C6orf132: variants seen among roughly 807,000 people sequenced by gnomAD.
The protein encoded by C6orf132 is uncharacterized protein C6orf132.
Under a neutral mutation model 65.3 loss-of-function variants are expected in C6orf132, and 43 were observed. That is an observed-to-expected ratio of 0.66 (90% CI 0.52 to 0.85). C6orf132 has a LOEUF of 0.85. C6orf132 is among the 40% of genes least tolerant of loss of function. The probability of loss-of-function intolerance (pLI) is 0.00; values close to 1 mark genes in which losing one functional copy is unlikely to be tolerated. For synonymous variants in C6orf132, 631 were observed against 654.1 expected (o/e 0.96, Z 0.54); for missense variants, 1,488 against 1,548.8 (o/e 0.96, Z 0.66).
intron 1 of C6orf132, among the ~76,000 whole-genome samples, chr6:42,133,302 G>A (rs1189662236): frequency 2.0e-5 from 3 of 152,244 alleles, no homozygotes; most frequent in Non-Finnish European, 4.4e-5. Flanking sequence ...GAACAAGACT[G>A]CAGTGAGAAA....
chr6:42,126,611 G>A (rs1375560336), intron 2 of C6orf132: 2 of 207,724 alleles, frequency 9.6e-6, no homozygotes, highest in East Asian at 9.8e-5. Flanking sequence ...GGAGGCTGAG[G>A]TTTGTGGATC....
chr6:42,135,344 G>A (rs377217700), intron 1 of C6orf132, among the ~76,000 whole-genome samples: 1 of 152,202 alleles, frequency 6.6e-6, no homozygotes, highest in East Asian at 1.9e-4. Flanking sequence ...GGCAGGGCAC[G>A]TGGCTCCCTG....
chr6:42,123,463 GAGAAGAAGGAGAAGGAGA>G (rs199838866), intron 2 of C6orf132, among the ~76,000 whole-genome samples: 10,789 of 96,506 alleles, frequency 0.11, 535 homozygotes, highest in Middle Eastern at 0.28. Flanking sequence ...GAAGGAGAAG[GAGAAGAAGGAGAAGGAGA>G]AGAAGAAGAA....
chr6:42,117,923 C>CAAA lies in C6orf132; in HGVS notation c.253-7635_253-7633dup, dbSNP rs556142891. Among the ~76,000 whole-genome samples the CAAA allele has an allele frequency of 1.8e-3, 114 of 62,340 alleles. 6 individuals are homozygous for CAAA. Among genetic ancestry groups the CAAA allele is most frequent in the African/African-American group, 3.9e-3 (66 of 16,756 alleles). The allele number at this position is 62,340 out of a possible 152,430, so 40.9% of individuals were successfully genotyped here. A position where few individuals can be genotyped will look rare whatever the true frequency, so the allele number is the denominator to read the frequency against. Reference sequence around the variant, plus strand: ...TGAGTGACAGAGCAAAACCCTGTCACAAAAAAAAAAAAAAAAAAAAAAAAA... The same window carrying CAAA: ...TGAGTGACAGAGCAAAACCCTGTCACAAAAAAAAAAAAAAAAAAAAAAAAAAAA... On this transcript the variant is annotated intron_variant, in intron 2 of 4. Coordinates refer to ENST00000341865, the MANE Select transcript of C6orf132 (RefSeq NM_001164446.3).
At chr6:42,109,105 C>T (rs1025811201) in intron 3 of C6orf132, among the ~76,000 whole-genome samples, 3 of 152,136 alleles carry the variant, frequency 2.0e-5, no homozygotes, top group Admixed American at 2.0e-4. Flanking sequence ...TGGGAAAAAA[C>T]ACCAGCAGGG....
At chr6:42,117,507 C>G (rs529758603) in intron 2 of C6orf132, among the ~76,000 whole-genome samples, 1 of 152,266 alleles carries the variant, frequency 6.6e-6, no homozygotes, top group South Asian at 2.1e-4. Context: ...TGCTGCCCAG[C>G]CCAGTCTACT....
chr6:42,107,630 AG>A, intron 3 of C6orf132, 47 bp from the exon 4 acceptor site: 1 of 1,549,474 alleles, frequency 6.5e-7, no homozygotes, highest in Non-Finnish European at 8.7e-7. Flanking sequence ...AAGGCAGACT[AG>A]CCCTGCCAAT....
At position 42,106,489 on chromosome 6, in the gene C6orf132, C is replaced by T. The variant is rs1766409648; in HGVS notation, c.1423G>A (p.Ala475Thr). 6.5e-7 allele frequency: 1 copy of T among 1,536,386 alleles called. No homozygotes were observed. Among genetic ancestry groups the T allele is most frequent in the African/African-American group, 1.4e-5 (1 of 72,970 alleles). Reference protein sequence around the residue: ...SQMEKLRNELAAYLCGSRRED... With the variant: ...SQMEKLRNELTAYLCGSRRED... Reference sequence around the variant, plus strand: ...CTCCTGGAGCCACAGAGATAGGCTGCCAGCTCGTTCCGCAGCTTTTCCATC... The same window carrying T: ...CTCCTGGAGCCACAGAGATAGGCTGTCAGCTCGTTCCGCAGCTTTTCCATC... Residue 475 changes from alanine to threonine, a missense_variant, in exon 4 of 5, where the codon GCA becomes ACA. Ala to Thr is a moderately conservative substitution (Grantham distance 58). Coordinates refer to ENST00000341865, the MANE Select transcript of C6orf132 (RefSeq NM_001164446.3).
At position 42,106,146 on chromosome 6, in the gene C6orf132, A is replaced by G. The variant is rs1035812649; in HGVS notation, c.1766T>C (p.Leu589Pro). 3.9e-6 allele frequency: 6 copies of G among 1,537,116 alleles called. No homozygotes were observed. In the African/African-American group the frequency reaches 6.8e-5, roughly 18 times the overall value. The change falls in exon 4 of 5, where the codon CTG becomes CCG. Residue 589 changes from leucine to proline, a missense_variant. Transcript: ENST00000341865. ...CCCTTCTAGCCGAGGCTTAGGGGGCAGAGATCCTATGCTGGGCTTAGCCTC... is the reference window on the plus strand; with the variant it reads ...CCCTTCTAGCCGAGGCTTAGGGGGCGGAGATCCTATGCTGGGCTTAGCCTC... ...EKEAKPSIGS[L>P]PPKPRLEGGR...
intron 1 of C6orf132, among the ~76,000 whole-genome samples, chr6:42,134,665 TCGAGAGGC>T (rs1766910271): frequency 6.6e-6 from 1 of 150,988 alleles, no homozygotes; most frequent in African/African-American, 2.4e-5. Context: ...CCCCAGCTAC[TCGAGAGGC>T]TGAGGCAGGA....
At chr6:42,135,405 G>T (rs1766924872) in intron 1 of C6orf132, among the ~76,000 whole-genome samples, 1 of 152,238 alleles carries the variant, frequency 6.6e-6, no homozygotes, top group Non-Finnish European at 1.5e-5. Context: ...TGGGGTACGT[G>T]TTAAATGTGG....
At chr6:42,128,923 T>C (rs958808846) in intron 1 of C6orf132, 145 bp from the exon 2 acceptor site, 4 of 622,072 alleles carry the variant, frequency 6.4e-6, no homozygotes, top group South Asian at 5.5e-5. Flanking sequence ...GCCTCTAACA[T>C]AATCAGATCT....
At position 42,114,865 on chromosome 6, in the gene C6orf132, C is replaced by T. The variant is rs148615865; in HGVS notation, c.253-4574G>A. ...ACTGAAAATACAAAAATTAGCCAGG[C>T]GTGGTGGCAAGCGACTGTAATCCCA... is the stretch of plus-strand genomic sequence containing the variant. On this transcript the variant is annotated intron_variant, in intron 2 of 4. Coordinates refer to ENST00000341865, the MANE Select transcript of C6orf132 (RefSeq NM_001164446.3). Among the ~76,000 whole-genome samples, 617 of 151,986 alleles carry T rather than the reference C, an allele frequency of 4.1e-3. 5 individuals carry two copies. Among genetic ancestry groups the T allele is most frequent in the African/African-American group, 0.013 (558 of 41,446 alleles).
At chr6:42,127,916 G>C (rs1766790153) in intron 2 of C6orf132, among the ~76,000 whole-genome samples, 1 of 150,402 alleles carries the variant, frequency 6.6e-6, no homozygotes, top group Admixed American at 6.6e-5. Context: ...ATTAAATGTT[G>C]CAATGACACT....
chr6:42,138,322 C>G (rs897771931), intron 1 of C6orf132, among the ~76,000 whole-genome samples: 3 of 151,938 alleles, frequency 2.0e-5, no homozygotes, highest in Non-Finnish European at 4.4e-5. Flanking sequence ...AACAGGGTCT[C>G]GCTCTGCCAC....
At position 42,103,382 on chromosome 6, in the gene C6orf132, C is replaced by G. The variant is rs1465650809; in HGVS notation, c.*379G>C. Reference sequence around the variant, plus strand: ...GATGGGTTCCAGTTCAGTCAGTGCCCCACCCCTTGCTTTCAGAACCTGCTC... The same window carrying G: ...GATGGGTTCCAGTTCAGTCAGTGCCGCACCCCTTGCTTTCAGAACCTGCTC... On this transcript the variant is annotated 3_prime_UTR_variant, in exon 5 of 5. Coordinates refer to ENST00000341865, the MANE Select transcript of C6orf132 (RefSeq NM_001164446.3). 7.6e-6 allele frequency: 3 copies of G among 396,850 alleles called. No individual in the cohort carries two copies. Among genetic ancestry groups the G allele is most frequent in the Non-Finnish European group, 1.3e-5 (3 of 225,632 alleles). 24.6% of individuals were successfully genotyped at this position (396,850 alleles called of 1,614,324 possible).
At chr6:42,118,859 A>G (rs1582275842) in intron 2 of C6orf132, among the ~76,000 whole-genome samples, 1 of 147,890 alleles carries the variant, frequency 6.8e-6, no homozygotes, top group Non-Finnish European at 1.5e-5. Flanking sequence ...CAGTTGAAGC[A>G]GCCCTTTAAT....
Position 42,103,524 on chromosome 6 carries a change from T to G in C6orf132, c.*237A>C. On this transcript the variant is annotated 3_prime_UTR_variant, in exon 5 of 5. Transcript: ENST00000341865. ...TTCCTTCTCTCTACCCTCCTTCCCC[T>G]CCCACCCCCCACGTGTAAACAGTCC... The G allele has an allele frequency of 4.1e-5, 11 of 268,712 alleles. No homozygotes were observed. Among genetic ancestry groups the G allele is most frequent in the South Asian group, 3.6e-4 (2 of 5,506 alleles). 16.6% of individuals were successfully genotyped at this position (268,712 alleles called of 1,614,324 possible). A position where few individuals can be genotyped will look rare whatever the true frequency, so the allele number is the denominator to read the frequency against.
At chr6:42,129,174 C>T (rs778318328) in intron 1 of C6orf132, among the ~76,000 whole-genome samples, 21 of 152,212 alleles carry the variant, frequency 1.4e-4, no homozygotes, top group African/African-American at 1.9e-4. Context: ...GCTTTTCCCT[C>T]GAGTGTTTGA....
Sources: allele counts gnomAD v4.1 joint callset (sites outside exome capture counted in the v4.1 genomes callset), GRCh38; gene constraint gnomAD v4.1.1; transcripts MANE v1.5; gene names NCBI Gene and HGNC (gene_info 2026-07-23, HGNC 2026-07-21).